MGAT4C: variants seen among roughly 807,000 people sequenced by gnomAD.
MGAT4C encodes the protein MGAT4 family member C.
In MGAT4C, 19 loss-of-function variants were observed where a neutral mutation model predicts 40.1. The ratio of observed to expected loss-of-function variants is 0.47; its 90% CI spans 0.33 to 0.70. MGAT4C has a LOEUF of 0.70. Ranked by LOEUF, MGAT4C falls within the 30% of genes least tolerant of loss-of-function variation. MGAT4C has a pLI of 0.02. For missense variants in MGAT4C, 491 were observed against 563.2 expected (o/e 0.87, Z 1.30); for synonymous variants, 181 against 187.1 (o/e 0.97, Z 0.27).
chr12:86,178,169 C>G (rs1360754703), intron 1 of MGAT4C, among the ~76,000 whole-genome samples: 5 of 152,190 alleles, frequency 3.3e-5, no homozygotes. Context: ...ATCTCCTGAC[C>G]TTGTGATCCG....
At chr12:86,257,707 C>A (rs12299772), upstream of MGAT4C, among the ~76,000 whole-genome samples, 1,171 of 152,254 alleles carry the variant, frequency 7.7e-3, 22 homozygotes, top group African/African-American at 0.027. Flanking sequence ...TATGAAAATA[C>A]ACTTTCATAT....
upstream of MGAT4C, among the ~76,000 whole-genome samples, chr12:86,260,156 T>C (rs1235436973): frequency 6.6e-6 from 1 of 152,146 alleles, no homozygotes; most frequent in Non-Finnish European, 1.5e-5. Context: ...TATCAAATAC[T>C]TATTAATATG....
chr12:86,423,132 G>T (rs544121572), intron 3 of MGAT4C, among the ~76,000 whole-genome samples: 18 of 152,038 alleles, frequency 1.2e-4, no homozygotes, highest in Non-Finnish European at 2.6e-4. Flanking sequence ...CTGTTTGCTT[G>T]AATGTAAATT....
At chr12:86,328,845 C>A (rs575867942) in intron 4 of MGAT4C, among the ~76,000 whole-genome samples, 34 of 152,148 alleles carry the variant, frequency 2.2e-4, no homozygotes, top group African/African-American at 8.2e-4. Flanking sequence ...GTGGCTCACA[C>A]CTGTAATCTC....
chr12:86,472,908 A>G (rs1957776282), intron 2 of MGAT4C, among the ~76,000 whole-genome samples: 1 of 152,166 alleles, frequency 6.6e-6, no homozygotes, highest in African/African-American at 2.4e-5. Flanking sequence ...GAAGAGAAAT[A>G]AAATGAGAAA....
At chr12:86,260,448 G>GAAGCCTAC (rs1459703595), upstream of MGAT4C, among the ~76,000 whole-genome samples, 4 of 152,148 alleles carry the variant, frequency 2.6e-5, no homozygotes, top group Non-Finnish European at 5.9e-5. Context: ...GAAATAGCCA[G>GAAGCCTAC]AAGCCTACTA....
chr12:86,780,848 C>T (rs529201538), intron 1 of MGAT4C, among the ~76,000 whole-genome samples: 162 of 152,208 alleles, frequency 1.1e-3, no homozygotes, highest in African/African-American at 3.6e-3. Context: ...TCTGTTATTC[C>T]ACACTCTACA....
chr12:86,638,589 A>G (rs754157823), intron 2 of MGAT4C, among the ~76,000 whole-genome samples: 3 of 151,930 alleles, frequency 2.0e-5, no homozygotes, highest in South Asian at 2.1e-4. Context: ...AATAGCCACA[A>G]TTCTCTGAGT....
intron 2 of MGAT4C, among the ~76,000 whole-genome samples, chr12:86,624,386 G>T (rs1377129367): frequency 6.6e-6 from 1 of 152,104 alleles, no homozygotes; most frequent in Non-Finnish European, 1.5e-5. Flanking sequence ...GGTTAAGGCA[G>T]AATTGTAAAC....
At chr12:86,557,093 GT>G (rs1352943676) in intron 2 of MGAT4C, among the ~76,000 whole-genome samples, 1 of 151,850 alleles carries the variant, frequency 6.6e-6, no homozygotes, top group Non-Finnish European at 1.5e-5. Flanking sequence ...TTTCTTCATT[GT>G]TTTTATAGAA....
chr12:85,998,003 T>G (rs1226416732), intron 2 of MGAT4C, among the ~76,000 whole-genome samples: 1 of 152,218 alleles, frequency 6.6e-6, no homozygotes, highest in Non-Finnish European at 1.5e-5. Flanking sequence ...GCCCTGCCCC[T>G]GCAGCAAACT....
intron 2 of MGAT4C, among the ~76,000 whole-genome samples, chr12:86,714,743 G>T (rs1593144126): frequency 1.3e-5 from 2 of 149,480 alleles, no homozygotes; most frequent in South Asian, 4.2e-4. Context: ...GAATAATACA[G>T]AGAAGGAGTG....
At chr12:86,054,092 T>A (rs1307994111) in intron 1 of MGAT4C, among the ~76,000 whole-genome samples, 1 of 152,186 alleles carries the variant, frequency 6.6e-6, no homozygotes, top group South Asian at 2.1e-4. Flanking sequence ...CACTACTGGT[T>A]ACATAATCAA....
In MGAT4C at chr12:85,979,746, T is replaced by C. The variant is rs778640907; in HGVS notation, c.980A>G (p.Asp327Gly). The C allele has an allele frequency of 6.2e-7, 1 of 1,613,570 alleles. No individual in the cohort carries two copies. The highest frequency in any genetic ancestry group is 8.5e-7 in the Non-Finnish European group (1 of 1,179,806). The change falls in exon 5 of 5, where the codon GAT becomes GGT. Residue 327 changes from aspartate to glycine, a missense_variant. Transcript: ENST00000611864. ...SYKGTENKLK[D>G]DDFEEESFDI... ...AAATGACTCCTCTTCAAAATCATCA[T>C]CCTTCAGCTTATTCTCCGTCCCTTT...
At chr12:86,755,928 G>A (rs903967215) in intron 1 of MGAT4C, among the ~76,000 whole-genome samples, 3 of 151,928 alleles carry the variant, frequency 2.0e-5, no homozygotes, top group Non-Finnish European at 4.4e-5. Context: ...AGTTACAGAT[G>A]TGAGTCACCA....
At position 85,987,098 on chromosome 12, in the gene MGAT4C, A is replaced by G. The variant is rs575428958; in HGVS notation, c.147+2302T>C. Among the ~76,000 whole-genome samples the G allele has an allele frequency of 3.2e-3, 446 of 141,462 alleles. 1 individual carries two copies. The highest frequency in any genetic ancestry group is 5.3e-3 in the Non-Finnish European group (342 of 64,878). The allele number at this position is 141,462 out of a possible 152,430, so 92.8% of individuals were successfully genotyped here. ...TAACTCATTTTTTTCCAACTTTTGT[A>G]AGTATTTTAAAATAATAATTTTTTT... On this transcript the variant is annotated intron_variant, in intron 3 of 4. Transcript: ENST00000611864.
chr12:86,071,806 A>T (rs1868537396), intron 1 of MGAT4C, among the ~76,000 whole-genome samples: 1 of 152,192 alleles, frequency 6.6e-6, no homozygotes, highest in African/African-American at 2.4e-5. Context: ...TGTTAGATCC[A>T]GAATTTCAGT....
At chr12:86,838,360 A>G (rs1018286745) in intron 1 of MGAT4C, among the ~76,000 whole-genome samples, 2 of 152,194 alleles carry the variant, frequency 1.3e-5, no homozygotes, top group Non-Finnish European at 2.9e-5. Context: ...TCTTCATTAT[A>G]TATTGCAGCT....
intron 4 of MGAT4C, among the ~76,000 whole-genome samples, chr12:86,309,685 G>C (rs1489849105): frequency 6.6e-6 from 1 of 152,220 alleles, no homozygotes; most frequent in African/African-American, 2.4e-5. Context: ...CAACAGGTTA[G>C]TAAAAGCAAA....
Sources: gnomAD v4.1 joint callset for allele counts (sites outside exome capture counted in the v4.1 genomes callset) on GRCh38, gnomAD v4.1.1 for gene constraint, MANE v1.5 for transcripts, NCBI Gene and HGNC (gene_info 2026-07-23, HGNC 2026-07-21) for gene names.